CNTNAP5: variants seen among roughly 807,000 people sequenced by gnomAD.
CNTNAP5 encodes the protein contactin-associated protein-like 5.
A neutral mutation model predicts 150.2 loss-of-function variants in CNTNAP5; 72 were observed. The ratio of observed to expected loss-of-function variants is 0.48; its 90% CI spans 0.40 to 0.58. The LOEUF is 0.58. CNTNAP5 is among the 20% of genes least tolerant of loss of function. The probability of loss-of-function intolerance (pLI) is 0.00; values close to 1 mark genes in which losing one functional copy is unlikely to be tolerated. For synonymous variants in CNTNAP5, 672 were observed against 619.8 expected, an observed-to-expected ratio of 1.08 and a Z score of -1.25; for missense variants, 1,636 against 1,626.2, an observed-to-expected ratio of 1.01 and a Z score of -0.10.
intron 1 of CNTNAP5, among the ~76,000 whole-genome samples, chr2:124,045,516 T>C (rs1159667291): frequency 1.3e-5 from 2 of 151,934 alleles, no homozygotes; most frequent in East Asian, 3.9e-4. Flanking sequence ...CAGGCTGGTC[T>C]TGAACTCCTG....
chr2:124,684,999 G>T (rs753902366), intron 13 of CNTNAP5, among the ~76,000 whole-genome samples: 29 of 152,160 alleles, frequency 1.9e-4, no homozygotes, highest in Admixed American at 5.2e-4. Context: ...CAGATGCTGG[G>T]TTCCTTCTTT....
chr2:124,707,188 A>AGAAGAAGAAGAAGAG, intron 13 of CNTNAP5, among the ~76,000 whole-genome samples: 1 of 148,934 alleles, frequency 6.7e-6, no homozygotes, highest in African/African-American at 2.4e-5. Flanking sequence ...AAGAAGAAGA[A>AGAAGAAGAAGAAGAG]GAAGAAGAAG....
chr2:124,536,482 A>C (rs1284811932), intron 10 of CNTNAP5, among the ~76,000 whole-genome samples: 1 of 151,900 alleles, frequency 6.6e-6, no homozygotes, highest in Non-Finnish European at 1.5e-5. Flanking sequence ...TAGGATGCAC[A>C]CTCAAATTTG....
chr2:124,156,581 C>T (rs758920172), intron 1 of CNTNAP5, among the ~76,000 whole-genome samples: 16 of 152,138 alleles, frequency 1.1e-4, no homozygotes, highest in African/African-American at 1.4e-4. Context: ...CTGCAACCTC[C>T]GCTTTCCAGG....
chr2:124,146,267 G>A (rs1490658114), intron 1 of CNTNAP5, among the ~76,000 whole-genome samples: 1 of 152,176 alleles, frequency 6.6e-6, no homozygotes, highest in Non-Finnish European at 1.5e-5. Context: ...AGCCACTCAT[G>A]CTGCTAAACT....
In CNTNAP5 at chr2:124,642,518, A is replaced by C. The variant is rs111402280; in HGVS notation, c.1877-5240A>C. On this transcript the variant is annotated intron_variant, in intron 12 of 23. Coordinates refer to ENST00000682447, the MANE Select transcript of CNTNAP5 (RefSeq NM_001367498.1). ...GGTTCTGGTAGCCTGAGGATGAAAG[A>C]CCACTCTTGACCTTGGAAGTTCTCA... Among the ~76,000 whole-genome samples the C allele has an allele frequency of 8.6e-3, 1,314 of 152,316 alleles. 20 individuals are homozygous for C. The highest frequency in any genetic ancestry group is 0.029 in the African/African-American group (1,203 of 41,560).
chr2:124,032,425 TA>T (rs905528709), intron 1 of CNTNAP5, among the ~76,000 whole-genome samples: 17 of 152,216 alleles, frequency 1.1e-4, no homozygotes, highest in Admixed American at 7.8e-4. Context: ...TTTTTTGCTT[TA>T]AAAAAATTAC....
intron 8 of CNTNAP5, among the ~76,000 whole-genome samples, chr2:124,524,092 C>T: frequency 6.6e-6 from 1 of 151,892 alleles, no homozygotes; most frequent in East Asian, 1.9e-4. Flanking sequence ...AGTAGTTCAG[C>T]CGTCTTTTTT....
intron 19 of CNTNAP5, among the ~76,000 whole-genome samples, chr2:124,850,385 G>A (rs1352149853): frequency 6.6e-6 from 1 of 152,142 alleles, no homozygotes; most frequent in Non-Finnish European, 1.5e-5. Flanking sequence ...GACAAATAGG[G>A]ACACACAGAG....
intron 13 of CNTNAP5, among the ~76,000 whole-genome samples, chr2:124,699,212 G>A (rs1368343556): frequency 6.6e-6 from 1 of 151,918 alleles, no homozygotes; most frequent in Non-Finnish European, 1.5e-5. Context: ...GTGCACAGGG[G>A]CTTTGTGGTC....
intron 1 of CNTNAP5, among the ~76,000 whole-genome samples, chr2:124,198,100 G>A (rs1397450384): frequency 6.6e-6 from 1 of 151,874 alleles, no homozygotes; most frequent in East Asian, 1.9e-4. Context: ...AATATGGGGG[G>A]TGTGAAATGG....
chr2:124,488,357 A>T (rs1247791452), intron 7 of CNTNAP5, among the ~76,000 whole-genome samples: 2 of 152,184 alleles, frequency 1.3e-5, no homozygotes, highest in Admixed American at 6.5e-5. Flanking sequence ...CCTCAGAATA[A>T]CCTTATAAAG....
At chr2:124,176,839 C>CT (rs1685076636) in intron 1 of CNTNAP5, among the ~76,000 whole-genome samples, 1 of 102,032 alleles carries the variant, frequency 9.8e-6, no homozygotes, top group African/African-American at 3.9e-5. Context: ...TTTGTTATTG[C>CT]TGGTTTTTTT....
intron 1 of CNTNAP5, among the ~76,000 whole-genome samples, chr2:124,116,898 C>T (rs1037288750): frequency 3.3e-5 from 5 of 152,146 alleles, no homozygotes; most frequent in African/African-American, 1.2e-4. Context: ...GAGCTAGAAT[C>T]CAGGCTGAAA....
chr2:124,548,403 C>A (rs1695560823), intron 10 of CNTNAP5, among the ~76,000 whole-genome samples: 1 of 152,184 alleles, frequency 6.6e-6, no homozygotes, highest in Admixed American at 6.5e-5. Flanking sequence ...CAGATCAGAA[C>A]TGAAGTGGAG....
intron 1 of CNTNAP5, among the ~76,000 whole-genome samples, chr2:124,054,701 A>G (rs1681799395): frequency 6.6e-6 from 1 of 152,214 alleles, no homozygotes; most frequent in Non-Finnish European, 1.5e-5. Context: ...CTCTTTTCAT[A>G]ATTCCAAAAG....
chr2:124,519,733 G>C (rs1694810633), intron 8 of CNTNAP5, among the ~76,000 whole-genome samples: 1 of 152,134 alleles, frequency 6.6e-6, no homozygotes, highest in Admixed American at 6.5e-5. Context: ...TTACAACTGG[G>C]GTATTTCAAA....
At chr2:124,218,586 T>C (rs11123030) in intron 1 of CNTNAP5, among the ~76,000 whole-genome samples, 72,548 of 151,944 alleles carry the variant, frequency 0.48, 17,798 homozygotes, top group East Asian at 0.65. Context: ...AGCATAAATC[T>C]ATGGATTGAC....
At chr2:124,229,433 A>C (rs1686558496) in intron 2 of CNTNAP5, among the ~76,000 whole-genome samples, 1 of 152,186 alleles carries the variant, frequency 6.6e-6, no homozygotes, top group Non-Finnish European at 1.5e-5. Flanking sequence ...GATTTGCCAA[A>C]TAGAATTTTT....
Sources: allele counts gnomAD v4.1 joint callset (sites outside exome capture counted in the v4.1 genomes callset), GRCh38; gene constraint gnomAD v4.1.1; transcripts MANE v1.5; gene names NCBI Gene and HGNC (gene_info 2026-07-23, HGNC 2026-07-21).